The following MEIKIN variants were observed in gnomAD, a reference collection of about 807,000 sequenced individuals.
The protein encoded by MEIKIN is meiosis-specific kinetochore protein.
At chr5:131,859,144 T>C (rs1431575575) in intron 9 of MEIKIN, among the ~76,000 whole-genome samples, 2 of 152,228 alleles carry the variant, frequency 1.3e-5, no homozygotes, top group African/African-American at 4.8e-5. Context: ...AATGCAGCAC[T>C]ATTCACATAG....
chr5:131,944,436 C>T (rs998574400), intron 3 of MEIKIN: 2 of 355,184 alleles, frequency 5.6e-6, no homozygotes, highest in East Asian at 8.3e-5. Flanking sequence ...GGACGTTTCT[C>T]CAAAAACGTG....
intron 8 of MEIKIN, among the ~76,000 whole-genome samples, chr5:131,887,796 G>A (rs1750828400): frequency 6.6e-6 from 1 of 150,904 alleles, no homozygotes; most frequent in African/African-American, 2.4e-5. Flanking sequence ...CCATGTTGGT[G>A]TGCTGCACCC....
At chr5:131,863,740 T>C (rs1028522303) in intron 9 of MEIKIN, among the ~76,000 whole-genome samples, 10 of 152,110 alleles carry the variant, frequency 6.6e-5, no homozygotes, top group African/African-American at 2.2e-4. Flanking sequence ...TCACATGTTA[T>C]GGGAGGGACC....
intron 9 of MEIKIN, among the ~76,000 whole-genome samples, chr5:131,857,764 G>A (rs1372323318): frequency 6.6e-6 from 1 of 152,128 alleles, no homozygotes; most frequent in Non-Finnish European, 1.5e-5. Context: ...TGCTTTGCTG[G>A]CCCGCAAGCG....
intron 9 of MEIKIN, among the ~76,000 whole-genome samples, chr5:131,863,628 C>T (rs946307882): frequency 7.3e-6 from 1 of 136,992 alleles, no homozygotes; most frequent in East Asian, 2.2e-4. Flanking sequence ...ATAACTACTC[C>T]TGCTCAGTTA....
Position 131,838,973 on chromosome 5 carries a change from T to C in MEIKIN, c.975+12291A>G, listed in dbSNP as rs553596920. 2.0e-5 allele frequency among the ~76,000 whole-genome samples: 3 copies of C among 152,294 alleles called. No homozygotes were observed. In the South Asian group the frequency reaches 6.2e-4, roughly 32 times the overall value. ...TTGTTAATCTGAAATCTTTCTAATT[T>C]TTTGATGTGTTCATTCAGTGCTATA... On this transcript the variant is annotated intron_variant, in intron 11 of 12. Transcript: ENST00000442687.
chr5:131,862,662 G>A (rs377351526), intron 9 of MEIKIN, among the ~76,000 whole-genome samples: 9 of 151,984 alleles, frequency 5.9e-5, no homozygotes, highest in East Asian at 1.9e-4. Context: ...TATTCCATAC[G>A]TTTTGGTGTT....
Position 131,915,949 on chromosome 5 carries a change from T to C in MEIKIN, c.638+937A>G, listed in dbSNP as rs142604031. Among the ~76,000 whole-genome samples the C allele has an allele frequency of 3.7e-3, 570 of 152,290 alleles. 4 individuals carry two copies. Among genetic ancestry groups the C allele is most frequent in the African/African-American group, 0.013 (540 of 41,562 alleles). On this transcript the variant is annotated intron_variant, in intron 7 of 12. Coordinates refer to ENST00000442687, the MANE Select transcript of MEIKIN (RefSeq NM_001303622.2). ...TTTTATTACATTTGCTCCATTTCAA[T>C]ACATAGGCAACAGTCATTAAAGTGG...
chr5:131,869,841 T>C (rs1750454481), intron 9 of MEIKIN, among the ~76,000 whole-genome samples: 1 of 152,206 alleles, frequency 6.6e-6, no homozygotes, highest in South Asian at 2.1e-4. Context: ...TTTCTGTTCA[T>C]GGGTTTCTGT....
intron 11 of MEIKIN, among the ~76,000 whole-genome samples, chr5:131,830,361 C>G (rs184101673): frequency 6.6e-6 from 1 of 152,202 alleles, no homozygotes; most frequent in Admixed American, 6.5e-5. Context: ...CGTGCCACTG[C>G]ACTCCAGCCT....
intron 9 of MEIKIN, 67 bp downstream of exon 9, chr5:131,878,911 T>C: frequency 2.5e-6 from 1 of 396,832 alleles, no homozygotes; most frequent in Non-Finnish European, 4.4e-6. Flanking sequence ...AAACTGTTAG[T>C]TAAAAGTATA....
intron 12 of MEIKIN, among the ~76,000 whole-genome samples, chr5:131,817,389 A>G (rs1056581149): frequency 1.3e-5 from 2 of 152,132 alleles, no homozygotes; most frequent in African/African-American, 4.8e-5. Flanking sequence ...AGGCAGGCAG[A>G]TCACAAGGTC....
At chr5:131,837,331 T>C (rs1384454780) in intron 11 of MEIKIN, among the ~76,000 whole-genome samples, 1 of 152,206 alleles carries the variant, frequency 6.6e-6, no homozygotes, top group African/African-American at 2.4e-5. Flanking sequence ...TAGAACTGCC[T>C]TGGCTATTCA....
At chr5:131,929,077 G>C (rs939069857) in intron 5 of MEIKIN, among the ~76,000 whole-genome samples, 3 of 152,144 alleles carry the variant, frequency 2.0e-5, no homozygotes, top group African/African-American at 7.2e-5. Context: ...TGGGTGTACT[G>C]TTGTTGGTTG....
At chr5:131,930,341 G>GT (rs1256998814) in intron 5 of MEIKIN, among the ~76,000 whole-genome samples, 6 of 151,900 alleles carry the variant, frequency 3.9e-5, no homozygotes, top group South Asian at 2.1e-4. Flanking sequence ...TAATAGGATC[G>GT]TTTTTTTGCT....
At chr5:131,812,590 G>A (rs1773016317) in intron 12 of MEIKIN, among the ~76,000 whole-genome samples, 1 of 152,202 alleles carries the variant, frequency 6.6e-6, no homozygotes, top group Admixed American at 6.5e-5. Context: ...GGATGTTGGA[G>A]TTAACATATT....
intron 11 of MEIKIN, among the ~76,000 whole-genome samples, chr5:131,830,010 G>T (rs1442095150): frequency 2.0e-5 from 3 of 152,154 alleles, no homozygotes; most frequent in Non-Finnish European, 4.4e-5. Context: ...AAGTAAACAA[G>T]ATAATAATTT....
chr5:131,929,659 G>T (rs1331623592), intron 5 of MEIKIN, among the ~76,000 whole-genome samples: 1 of 152,096 alleles, frequency 6.6e-6, no homozygotes, highest in Non-Finnish European at 1.5e-5. Context: ...TATCCAATGG[G>T]TAGCTTTTCA....
chr5:131,945,134 G>A, intron 2 of MEIKIN, 22 bp downstream of exon 2: 1 of 399,124 alleles, frequency 2.5e-6, no homozygotes. Context: ...CTAGGATCGG[G>A]CTGTTACTGG....
Sources: gnomAD v4.1 joint callset for allele counts (sites outside exome capture counted in the v4.1 genomes callset) on GRCh38, gnomAD v4.1.1 for gene constraint, MANE v1.5 for transcripts, NCBI Gene and HGNC (gene_info 2026-07-23, HGNC 2026-07-21) for gene names.